Variants in TRAF3IP2 observed in about 807,000 individuals in gnomAD.
TRAF3IP2 encodes the protein TRAF3 interacting protein 2.
Under a neutral mutation model 57.9 loss-of-function variants are expected in TRAF3IP2, and 35 were observed. That is an observed-to-expected ratio of 0.60 (90% CI 0.46 to 0.80). The LOEUF is 0.80. Ranked by LOEUF, TRAF3IP2 falls within the 30% of genes least tolerant of loss-of-function variation. The pLI, the probability that TRAF3IP2 is intolerant of heterozygous loss-of-function variation, is 0.00. For missense variants in TRAF3IP2, 556 were observed against 706.4 expected, an observed-to-expected ratio of 0.79 and a Z score of 2.41; for synonymous variants, 251 against 268.9, an observed-to-expected ratio of 0.93 and a Z score of 0.65.
intron 6 of TRAF3IP2, 52 bp from the exon 7 acceptor site, chr6:111,566,612 G>A: frequency 1.3e-6 from 2 of 1,510,686 alleles, no homozygotes; most frequent in East Asian, 2.3e-5. Context: ...CAGCAGGACT[G>A]TGGGCATTCT....
At chr6:111,578,608 A>C (rs1034168120) in intron 3 of TRAF3IP2, among the ~76,000 whole-genome samples, 5 of 152,162 alleles carry the variant, frequency 3.3e-5, no homozygotes, top group Admixed American at 2.0e-4. Flanking sequence ...TCGCCACTGC[A>C]CTCCACCCTA....
At chr6:111,561,018 C>T (rs778697098) in intron 8 of TRAF3IP2, among the ~76,000 whole-genome samples, 21 of 152,064 alleles carry the variant, frequency 1.4e-4, no homozygotes, top group Non-Finnish European at 2.9e-4. Flanking sequence ...CCTGTCTCTA[C>T]TAAACATACA....
At chr6:111,589,881 C>T (rs1416084135) in intron 2 of TRAF3IP2, among the ~76,000 whole-genome samples, 2 of 152,092 alleles carry the variant, frequency 1.3e-5, no homozygotes, top group Non-Finnish European at 2.9e-5. Flanking sequence ...TGGTTGATTA[C>T]AGCATTTGTA....
In TRAF3IP2 at chr6:111,555,915, A is replaced by T. The variant is rs1163736965; in HGVS notation, c.*3490T>A. Among the ~76,000 whole-genome samples the T allele has an allele frequency of 6.6e-6, 1 of 152,150 alleles. No homozygotes were observed. The highest frequency in any genetic ancestry group is 2.4e-5 in the African/African-American group (1 of 41,420). On this transcript the variant is annotated 3_prime_UTR_variant, in exon 9 of 9. Coordinates refer to ENST00000368761, the MANE Select transcript of TRAF3IP2 (RefSeq NM_147686.4). ...TCAGGAGATCAAGACCATCCTGGCT[A>T]ACACGGTGAAACCCCGTCTCTACTA...
At chr6:111,585,846 G>GTGATT (rs1294829353) in intron 2 of TRAF3IP2, among the ~76,000 whole-genome samples, 1 of 152,158 alleles carries the variant, frequency 6.6e-6, no homozygotes, top group Non-Finnish European at 1.5e-5. Flanking sequence ...TGGGCGCCCA[G>GTGATT]GACTGTATGT....
At chr6:111,590,255 T>C (rs1796462625) in intron 2 of TRAF3IP2, among the ~76,000 whole-genome samples, 1 of 152,208 alleles carries the variant, frequency 6.6e-6, no homozygotes, top group Non-Finnish European at 1.5e-5. Flanking sequence ...AAAGTACACG[T>C]TTGCATTTGC....
At chr6:111,560,200 C>T (rs113310056) in intron 8 of TRAF3IP2, among the ~76,000 whole-genome samples, 1,703 of 152,208 alleles carry the variant, frequency 0.011, 37 homozygotes, top group African/African-American at 0.038. Context: ...CAGTTTTAAA[C>T]GGGGTGCTTA....
intron 8 of TRAF3IP2, among the ~76,000 whole-genome samples, chr6:111,562,512 G>A (rs769510732): frequency 1.8e-4 from 28 of 152,142 alleles, no homozygotes; most frequent in Non-Finnish European, 3.8e-4. Flanking sequence ...GGTACAACTT[G>A]TTGATCTTTC....
chr6:111,583,850 CT>C (rs1562429484), intron 2 of TRAF3IP2, among the ~76,000 whole-genome samples: 1 of 152,174 alleles, frequency 6.6e-6, no homozygotes, highest in East Asian at 1.9e-4. Context: ...TCTTAATTCT[CT>C]TCTGCTGTCC....
intron 6 of TRAF3IP2, chr6:111,567,292 G>T (rs1247158538): frequency 9.5e-7 from 1 of 1,054,162 alleles, no homozygotes; most frequent in African/African-American, 1.7e-5. Context: ...AACACTTGGG[G>T]TGGCCTCAGA....
rs1795636571 is a variant in TRAF3IP2 at position 111,566,437 on chromosome 6, C to T, written c.1476+7G>A. 6.8e-6 allele frequency: 11 copies of T among 1,607,726 alleles called. No individual in the cohort carries two copies. In the East Asian group the frequency reaches 2.5e-4, roughly 36 times the overall value. On this transcript the variant is annotated splice_region_variant and intron_variant, in intron 7 of 8. Transcript: ENST00000368761. ...CAGTGAGGTGTTGTGATCCCCTCCC[C>T]ACTCACCATTCGATGAATGTACTTA...
chr6:111,593,750 T>A (rs1228182691), intron 1 of TRAF3IP2, among the ~76,000 whole-genome samples: 1 of 152,184 alleles, frequency 6.6e-6, no homozygotes, highest in South Asian at 2.1e-4. Flanking sequence ...AAAGGAGACC[T>A]CATCAGCTAA....
Position 111,580,343 on chromosome 6 carries a change from C to T in TRAF3IP2, c.876G>A (p.Pro292=), listed in dbSNP as rs746125245. 128 of 1,591,404 alleles carry T rather than the reference C, an allele frequency of 8.0e-5. No individual in the cohort carries two copies. Among genetic ancestry groups the T allele is most frequent in the Non-Finnish European group, 1.0e-4 (122 of 1,172,218 alleles). The change falls in exon 3 of 9, where the codon CCG becomes CCA. Residue 292 remains proline (P), a synonymous_variant. Transcript: ENST00000368761. ...CAGGCAGGGGCTGCCCAGGCAGAGC[C>T]GGCTGGATCACTTGCTGGTAGGCTG... ...PRAAYQQVIQ[P]ALPGQPLPGA...
rs1795217880 is a variant in TRAF3IP2 at position 111,555,787 on chromosome 6, A to T, written c.*3618T>A. 6.6e-6 allele frequency among the ~76,000 whole-genome samples: 1 copy of T among 152,182 alleles called. No individual in the cohort carries two copies. Among genetic ancestry groups the T allele is most frequent in the Non-Finnish European group, 1.5e-5 (1 of 68,026 alleles). ...TCAACCGAGTGTTAATCTTATTGTC[A>T]GTGCTCTCAAATAGTTGTTACAATT... On this transcript the variant is annotated 3_prime_UTR_variant, in exon 9 of 9. Coordinates refer to ENST00000368761, the MANE Select transcript of TRAF3IP2 (RefSeq NM_147686.4).
intron 7 of TRAF3IP2, 21 bp from the exon 8 acceptor site, chr6:111,563,060 A>C (rs1291313650): frequency 6.3e-7 from 1 of 1,585,482 alleles, no homozygotes; most frequent in Non-Finnish European, 8.7e-7. Flanking sequence ...ACAAATGTGA[A>C]GGTTTAATTT....
intron 6 of TRAF3IP2, chr6:111,567,300 A>C (rs530765124): frequency 1.9e-6 from 2 of 1,064,588 alleles, no homozygotes; most frequent in Non-Finnish European, 2.3e-6. Context: ...GGGTGGCCTC[A>C]GATTAAATTG....
intron 5 of TRAF3IP2, among the ~76,000 whole-genome samples, chr6:111,572,018 T>C (rs1201631104): frequency 6.6e-6 from 1 of 152,186 alleles, no homozygotes; most frequent in African/African-American, 2.4e-5. Context: ...AGTTACTAAG[T>C]ATCCCTCTTT....
rs200213270 is a variant in TRAF3IP2, at chr6:111,566,555, G to A, written c.1365C>T (p.Thr455=). 2.3e-4 allele frequency: 366 copies of A among 1,613,690 alleles called. 1 individual carries two copies. The highest frequency in any genetic ancestry group is 1.5e-3 in the Middle Eastern group (9 of 6,082). ...KWMERYLRDK[T]VMIIVAISPK... is the part of the protein sequence containing the mutation. ...GGCTGATTGCTACGATTATCATCAC[G>A]GTCTTCTGTTAATGAGAGGGAGAAA... Residue 455 remains threonine (T), a synonymous_variant, in exon 7 of 9, where the codon ACC becomes ACT. Transcript: ENST00000368761.
intron 1 of TRAF3IP2, among the ~76,000 whole-genome samples, chr6:111,595,406 G>A (rs1583243925): frequency 6.6e-6 from 1 of 152,320 alleles, no homozygotes; most frequent in Non-Finnish European, 1.5e-5. Flanking sequence ...ACTCAAAACA[G>A]CAGATAATTA....
Sources: gnomAD v4.1 joint callset for allele counts (sites outside exome capture counted in the v4.1 genomes callset) on GRCh38, gnomAD v4.1.1 for gene constraint, MANE v1.5 for transcripts, NCBI Gene and HGNC (gene_info 2026-07-23, HGNC 2026-07-21) for gene names.